THSD7B: variants seen among roughly 807,000 people sequenced by gnomAD.
THSD7B encodes thrombospondin type-1 domain-containing protein 7B.
In THSD7B, 138 loss-of-function variants were observed where a neutral mutation model predicts 213.6. That is an observed-to-expected ratio of 0.65 (90% confidence interval 0.56 to 0.74). The LOEUF (loss-of-function observed/expected upper bound fraction) is 0.74, where lower values mean the gene tolerates loss of function less well. Among genes scored for constraint, THSD7B ranks in the 30% least tolerant of loss-of-function variants. The pLI, the probability that THSD7B is intolerant of heterozygous loss-of-function variation, is 0.00. For synonymous variants in THSD7B, 742 were observed against 687.0 expected (o/e 1.08, Z -1.25); for missense variants, 1,931 against 1,991.5 (o/e 0.97, Z 0.58).
At chr2:137,243,657 C>T (rs192269101) in intron 10 of THSD7B, among the ~76,000 whole-genome samples, 6 of 152,308 alleles carry the variant, frequency 3.9e-5, no homozygotes, top group Admixed American at 2.0e-4. Context: ...AGCATCACTT[C>T]GTGAGAGTGA....
chr2:137,454,456 A>G (rs956630807), intron 15 of THSD7B, among the ~76,000 whole-genome samples: 5 of 151,146 alleles, frequency 3.3e-5, no homozygotes, highest in African/African-American at 1.2e-4. Context: ...CTATCTATCT[A>G]TCTATCTATC....
intron 12 of THSD7B, among the ~76,000 whole-genome samples, chr2:137,334,583 C>G (rs201819557): frequency 6.6e-6 from 1 of 152,154 alleles, no homozygotes; most frequent in African/African-American, 2.4e-5. Flanking sequence ...GCCCTACTCT[C>G]CTGTAACATC....
At chr2:137,563,402 T>C (rs770778933) in intron 16 of THSD7B, 48 bp downstream of exon 16, 8 of 1,600,600 alleles carry the variant, frequency 5.0e-6, no homozygotes, top group South Asian at 2.2e-5. Context: ...GTGGAACTTA[T>C]ACATTTTTTA....
chr2:137,605,802 G>T (rs927346029), intron 17 of THSD7B, among the ~76,000 whole-genome samples: 1 of 151,734 alleles, frequency 6.6e-6, no homozygotes, highest in African/African-American at 2.4e-5. Flanking sequence ...CTGAGTAGCT[G>T]GGGTTACAGG....
At chr2:137,396,000 G>A (rs1031647265) in intron 12 of THSD7B, among the ~76,000 whole-genome samples, 15 of 152,164 alleles carry the variant, frequency 9.9e-5, no homozygotes, top group Middle Eastern at 3.4e-3. Flanking sequence ...CTGTGGGACC[G>A]GTGGTGATAG....
chr2:136,879,591 G>C (rs941305910), intron 1 of THSD7B, among the ~76,000 whole-genome samples: 8 of 151,812 alleles, frequency 5.3e-5, no homozygotes, highest in African/African-American at 1.7e-4. Flanking sequence ...CTTTTATTTC[G>C]TTGAGCAGTG....
chr2:136,848,730 T>G (rs1683049016), intron 1 of THSD7B, among the ~76,000 whole-genome samples: 1 of 152,202 alleles, frequency 6.6e-6, no homozygotes, highest in African/African-American at 2.4e-5. Context: ...ATGCAAAGTT[T>G]TATTGAGAAT....
At chr2:136,999,818 T>C (rs1187451247) in intron 2 of THSD7B, among the ~76,000 whole-genome samples, 1 of 152,198 alleles carries the variant, frequency 6.6e-6, no homozygotes, top group East Asian at 1.9e-4. Context: ...AGCCAATTTA[T>C]ATTTTTCAAG....
intron 15 of THSD7B, among the ~76,000 whole-genome samples, chr2:137,481,623 A>G (rs1218260384): frequency 6.6e-6 from 1 of 152,268 alleles, no homozygotes; most frequent in African/African-American, 2.4e-5. Flanking sequence ...AAAAGCAGCC[A>G]TGAGCAATAA....
At chr2:137,242,775 A>G (rs1417002270) in intron 10 of THSD7B, among the ~76,000 whole-genome samples, 1 of 151,842 alleles carries the variant, frequency 6.6e-6, no homozygotes, top group Non-Finnish European at 1.5e-5. Flanking sequence ...ATATTTTCTT[A>G]TCTTATGTCA....
chr2:137,070,887 T>C (rs1265836988), intron 3 of THSD7B, among the ~76,000 whole-genome samples: 1 of 152,232 alleles, frequency 6.6e-6, no homozygotes, highest in African/African-American at 2.4e-5. Context: ...ACAAAGGACA[T>C]GAAGTCATCA....
chr2:137,562,914 T>G (rs1468680442), intron 15 of THSD7B, among the ~76,000 whole-genome samples: 2 of 152,180 alleles, frequency 1.3e-5, no homozygotes, highest in Non-Finnish European at 2.9e-5. Context: ...AGATGCTGTG[T>G]GAGCTCTCAG....
intron 16 of THSD7B, among the ~76,000 whole-genome samples, chr2:137,566,981 G>A (rs545316633): frequency 6.6e-6 from 1 of 151,956 alleles, no homozygotes; most frequent in Admixed American, 6.6e-5. Context: ...CAGGGACAAG[G>A]AGAGTAAAAA....
intron 3 of THSD7B, among the ~76,000 whole-genome samples, chr2:137,083,537 A>C (rs1687785142): frequency 6.6e-6 from 1 of 152,042 alleles, no homozygotes; most frequent in African/African-American, 2.4e-5. Context: ...TTTTTCTTCA[A>C]GTTGTTCTAA....
At chr2:137,139,714 A>C (rs935189382) in intron 5 of THSD7B, among the ~76,000 whole-genome samples, 1 of 152,126 alleles carries the variant, frequency 6.6e-6, no homozygotes, top group Non-Finnish European at 1.5e-5. Flanking sequence ...TAGATATTAC[A>C]TTTGCCTGCC....
intron 12 of THSD7B, among the ~76,000 whole-genome samples, chr2:137,381,075 T>C (rs1685763601): frequency 2.6e-5 from 4 of 152,198 alleles, no homozygotes; most frequent in Non-Finnish European, 4.4e-5. Flanking sequence ...CAGAACTCAG[T>C]TAGAACCTGA....
chr2:136,977,469 C>T (rs746159323), intron 2 of THSD7B, among the ~76,000 whole-genome samples: 3 of 152,078 alleles, frequency 2.0e-5, no homozygotes, highest in Admixed American at 2.0e-4. Flanking sequence ...TTCAGTGCTG[C>T]TCTGATCTTG....
At chr2:136,863,912 G>A (rs553148161) in intron 1 of THSD7B, among the ~76,000 whole-genome samples, 1 of 152,102 alleles carries the variant, frequency 6.6e-6, no homozygotes, top group Non-Finnish European at 1.5e-5. Flanking sequence ...TTACAGGACC[G>A]TGAAACCCAA....
At chr2:136,782,624 G>C (rs557338451) in intron 1 of THSD7B, among the ~76,000 whole-genome samples, 17 of 152,174 alleles carry the variant, frequency 1.1e-4, no homozygotes, top group Admixed American at 3.9e-4. Flanking sequence ...TGGGGTGGTT[G>C]GGGGGTTGGG....
Sources: allele counts gnomAD v4.1 joint callset (sites outside exome capture counted in the v4.1 genomes callset), GRCh38; gene constraint gnomAD v4.1.1; transcripts MANE v1.5; gene names NCBI Gene and HGNC (gene_info 2026-07-23, HGNC 2026-07-21).